The following ATF1 variants were observed in gnomAD, a reference collection of about 807,000 sequenced individuals.
ATF1 encodes cyclic AMP-dependent transcription factor ATF-1.
In ATF1, 16 loss-of-function variants were observed where a neutral mutation model predicts 34.7. That is an observed-to-expected ratio of 0.46 (90% CI 0.31 to 0.70). The LOEUF (loss-of-function observed/expected upper bound fraction) is 0.70, where lower values mean the gene tolerates loss of function less well. Ranked by LOEUF, ATF1 falls within the 30% of genes least tolerant of loss-of-function variation. The pLI, the probability that ATF1 is intolerant of heterozygous loss-of-function variation, is 0.05. For synonymous variants in ATF1, 105 were observed against 113.1 expected, an observed-to-expected ratio of 0.93 and a Z score of 0.46; for missense variants, 255 against 321.6, an observed-to-expected ratio of 0.79 and a Z score of 1.58.
At chr12:50,780,039 C>A in intron 1 of ATF1, 101 bp from the exon 2 acceptor site, 1 of 795,778 alleles carries the variant, frequency 1.3e-6, no homozygotes, top group Non-Finnish European at 1.9e-6. Context: ...CAGTTCTTTT[C>A]CATTGAGGCA....
Position 50,809,467 on chromosome 12 carries a change from A to G in ATF1, c.206A>G (p.Lys69Arg). 4 of 1,612,056 alleles carry G rather than the reference A, an allele frequency of 2.5e-6. No homozygotes were observed. The highest frequency in any genetic ancestry group is 3.4e-6 in the Non-Finnish European group (4 of 1,178,940). The change falls in exon 4 of 7, where the codon AAA becomes AGA. Residue 69 changes from lysine to arginine, a missense_variant. By Grantham distance (26) the Lys-to-Arg change is conservative (BLOSUM62 2). Transcript: ENST00000262053. ...ARRPSYRKILKDLSSEDTRGR... is the reference protein window; with the variant it reads ...ARRPSYRKILRDLSSEDTRGR... The stretch of plus-strand genomic sequence containing the variant: ...GGTTTTTTTTACAGAAAAATTTTGA[A>G]AGACTTATCTTCTGAAGATACACGG...
chr12:50,789,953 A>C (rs927868292), intron 2 of ATF1, among the ~76,000 whole-genome samples: 4 of 152,194 alleles, frequency 2.6e-5, no homozygotes, highest in African/African-American at 7.2e-5. Context: ...TAGCTAAATC[A>C]AAATCTGGTG....
chr12:50,812,772 C>A (rs1190693071), intron 4 of ATF1, among the ~76,000 whole-genome samples: 1 of 151,968 alleles, frequency 6.6e-6, no homozygotes, highest in African/African-American at 2.4e-5. Context: ...CAGTGGTGAA[C>A]CAGGACCACA....
chr12:50,818,507 G>A (rs376288492), intron 6 of ATF1, among the ~76,000 whole-genome samples: 1 of 152,148 alleles, frequency 6.6e-6, no homozygotes, highest in African/African-American at 2.4e-5. Flanking sequence ...CTTTTTGTGA[G>A]GGGAAAGATT....
At chr12:50,777,661 G>A (rs1301377921) in intron 1 of ATF1, among the ~76,000 whole-genome samples, 2 of 151,868 alleles carry the variant, frequency 1.3e-5, no homozygotes, top group African/African-American at 4.8e-5. Flanking sequence ...TGCACCTGTA[G>A]TCCCAGCTAC....
At chr12:50,795,797 T>C in intron 2 of ATF1, 112 bp from the exon 3 acceptor site, 1 of 789,718 alleles carries the variant, frequency 1.3e-6, no homozygotes, top group Non-Finnish European at 2.1e-6. Context: ...AGATTTAATG[T>C]ACAAATGAAT....
chr12:50,802,469 G>A (rs1182888666), intron 3 of ATF1, among the ~76,000 whole-genome samples: 1 of 152,176 alleles, frequency 6.6e-6, no homozygotes, highest in East Asian at 1.9e-4. Context: ...AGGTTGCAGT[G>A]AGCTGAGATT....
At chr12:50,806,774 T>G (rs1413428188) in intron 3 of ATF1, among the ~76,000 whole-genome samples, 1 of 152,040 alleles carries the variant, frequency 6.6e-6, no homozygotes, top group African/African-American at 2.4e-5. Context: ...TCAATGATTA[T>G]GGCCACCAGA....
At chr12:50,788,365 T>C (rs1161065615) in intron 2 of ATF1, 1 of 362,708 alleles carries the variant, frequency 2.8e-6, no homozygotes, top group African/African-American at 2.2e-5. Flanking sequence ...TTGTATTTTT[T>C]TGTAGAGATG....
chr12:50,806,837 G>T (rs1941625770), intron 3 of ATF1, among the ~76,000 whole-genome samples: 1 of 152,170 alleles, frequency 6.6e-6, no homozygotes, highest in Non-Finnish European at 1.5e-5. Context: ...ACATAGGCAG[G>T]TTTAGGAAGC....
At chr12:50,795,308 C>G (rs1941388006) in intron 2 of ATF1, among the ~76,000 whole-genome samples, 1 of 152,154 alleles carries the variant, frequency 6.6e-6, no homozygotes, top group African/African-American at 2.4e-5. Context: ...TCCTTAGTCT[C>G]ATTTGCTGGT....
intron 2 of ATF1, among the ~76,000 whole-genome samples, chr12:50,793,633 C>CA (rs10711973): frequency 2.4e-4 from 28 of 118,722 alleles, no homozygotes; most frequent in South Asian, 5.4e-4. Flanking sequence ...GACTCCATCT[C>CA]AAAAAAAAAA....
chr12:50,782,031 C>A (rs1941074285), intron 2 of ATF1, among the ~76,000 whole-genome samples: 1 of 151,756 alleles, frequency 6.6e-6, no homozygotes, highest in Non-Finnish European at 1.5e-5. Context: ...TGGCAAATAA[C>A]CTTTAAGAAA....
chr12:50,778,879 C>T (rs533364426), intron 1 of ATF1, among the ~76,000 whole-genome samples: 3 of 152,302 alleles, frequency 2.0e-5, no homozygotes, highest in East Asian at 1.9e-4. Context: ...CCATGCCCAG[C>T]CCAGAACTTT....
At chr12:50,814,487 C>T (rs1565920721) in intron 6 of ATF1, 48 bp downstream of exon 6, 1 of 1,564,832 alleles carries the variant, frequency 6.4e-7, no homozygotes, top group East Asian at 2.3e-5. Context: ...TTTTACAAAT[C>T]TCACAACATA....
intron 3 of ATF1, among the ~76,000 whole-genome samples, chr12:50,801,029 A>C (rs1048769453): frequency 1.3e-5 from 2 of 152,202 alleles, no homozygotes; most frequent in Non-Finnish European, 2.9e-5. Context: ...TGAACCTGGG[A>C]GGTTGCAGTG....
intron 4 of ATF1, among the ~76,000 whole-genome samples, chr12:50,810,252 C>G (rs1941707770): frequency 7.3e-6 from 1 of 137,258 alleles, no homozygotes; most frequent in Non-Finnish European, 1.5e-5. Context: ...GAGTTTCGCT[C>G]TGTTGCCCAG....
intron 2 of ATF1, among the ~76,000 whole-genome samples, chr12:50,792,423 G>C (rs908434264): frequency 6.6e-6 from 1 of 152,068 alleles, no homozygotes; most frequent in Non-Finnish European, 1.5e-5. Context: ...ATGGATCTGC[G>C]CCAGTGACAA....
chr12:50,808,365 T>TC (rs1941661507), intron 3 of ATF1, among the ~76,000 whole-genome samples: 1 of 151,654 alleles, frequency 6.6e-6, no homozygotes, highest in Non-Finnish European at 1.5e-5. Flanking sequence ...TCTCACTCTG[T>TC]CGCCCAGGCT....
Sources: allele counts gnomAD v4.1 joint callset (sites outside exome capture counted in the v4.1 genomes callset), GRCh38; gene constraint gnomAD v4.1.1; transcripts MANE v1.5; gene names NCBI Gene and HGNC (gene_info 2026-07-23, HGNC 2026-07-21).